Variants in SGK1 observed in about 807,000 individuals in gnomAD.
SGK1 encodes the protein serum/glucocorticoid regulated kinase 1.
A neutral mutation model predicts 64.2 loss-of-function variants in SGK1; 26 were observed. The observed-to-expected ratio is 0.40, with a 90% confidence interval of 0.30 to 0.56. The LOEUF (loss-of-function observed/expected upper bound fraction) is 0.56. Among genes scored for constraint, SGK1 ranks in the 20% least tolerant of loss-of-function variants. The probability of loss-of-function intolerance (pLI) is 0.38; values close to 1 mark genes in which losing one functional copy is unlikely to be tolerated. For missense variants in SGK1, 519 were observed against 645.6 expected (o/e 0.80, Z 2.12); for synonymous variants, 265 against 239.7 (o/e 1.11, Z -0.98).
At chr6:134,210,061 T>C (rs960975126) in intron 2 of SGK1, among the ~76,000 whole-genome samples, 3 of 152,324 alleles carry the variant, frequency 2.0e-5, no homozygotes, top group East Asian at 3.9e-4. Flanking sequence ...TATCAAAGAA[T>C]ATGTGGAAAT....
intron 2 of SGK1, among the ~76,000 whole-genome samples, chr6:134,225,941 A>AACAAAAAAAC: frequency 6.6e-6 from 1 of 151,614 alleles, no homozygotes; most frequent in East Asian, 1.9e-4. Context: ...AACAAAAAAA[A>AACAAAAAAAC]ACAAAAAAAC....
At chr6:134,180,835 GC>G (rs1775319282) in intron 3 of SGK1, among the ~76,000 whole-genome samples, 1 of 148,768 alleles carries the variant, frequency 6.7e-6, no homozygotes, top group Admixed American at 6.7e-5. Flanking sequence ...TCTTGCCACT[GC>G]ACTCTCGCCG....
intron 3 of SGK1, among the ~76,000 whole-genome samples, chr6:134,203,531 G>C (rs1775720374): frequency 6.6e-6 from 1 of 152,144 alleles, no homozygotes; most frequent in Admixed American, 6.6e-5. Context: ...CATTAGATAG[G>C]ATTTTAAGAG....
intron 1 of SGK1, among the ~76,000 whole-genome samples, chr6:134,289,147 C>T (rs1303858155): frequency 6.6e-6 from 1 of 152,190 alleles, no homozygotes; most frequent in Non-Finnish European, 1.5e-5. Flanking sequence ...CATGACCACA[C>T]CACATGTTCC....
chr6:134,177,571 C>G (rs1775265141), intron 3 of SGK1: 1 of 904,596 alleles, frequency 1.1e-6, no homozygotes. Context: ...ACCAGAGACC[C>G]TCTCCTACAC....
chr6:134,209,804 G>C (rs1775857715), intron 2 of SGK1, among the ~76,000 whole-genome samples: 1 of 152,146 alleles, frequency 6.6e-6, no homozygotes, highest in South Asian at 2.1e-4. Flanking sequence ...AGCCTCAATA[G>C]TAGCTGGGAT....
chr6:134,292,022 C>T (rs1777273096), intron 1 of SGK1, among the ~76,000 whole-genome samples: 1 of 150,306 alleles, frequency 6.7e-6, no homozygotes, highest in African/African-American at 2.5e-5. Flanking sequence ...GAGATCACAC[C>T]GTTGCACTCC....
chr6:134,218,793 G>A (rs772104800), intron 2 of SGK1: 3 of 152,114 alleles, frequency 2.0e-5, no homozygotes, highest in Non-Finnish European at 4.4e-5. Flanking sequence ...AATAAGTACG[G>A]ACACATGAGT....
In SGK1 at chr6:134,282,799, G is replaced by A. The variant is rs558998283; in HGVS notation, c.70-20651C>T. Among the ~76,000 whole-genome samples the A allele has an allele frequency of 2.1e-3, 320 of 151,842 alleles. 4 individuals are homozygous for A. Among genetic ancestry groups the A allele is most frequent in the Middle Eastern group, 3.4e-3 (1 of 294 alleles). On this transcript the variant is annotated intron_variant, in intron 1 of 13. Transcript: ENST00000367858. ...GACTGCAGCCTAAGACTTCTGGCCT[G>A]CCCCACAGATTTCAGACTTGCCATC...
intron 1 of SGK1, among the ~76,000 whole-genome samples, chr6:134,314,745 C>T (rs1026008017): frequency 2.0e-5 from 3 of 151,654 alleles, no homozygotes; most frequent in Admixed American, 6.6e-5. Flanking sequence ...TTTAAGCCTC[C>T]TGCAATCAAA....
chr6:134,171,358 TTGTG>T (rs113274174), intron 11 of SGK1, 180 bp from the exon 12 acceptor site: 9 of 623,264 alleles, frequency 1.4e-5, no homozygotes, highest in South Asian at 8.0e-5. Context: ...GTGTGTGTGT[TTGTG>T]TGTGTGTGTG....
intron 7 of SGK1, 35 bp downstream of exon 7, chr6:134,173,239 C>A (rs1216811100): frequency 1.2e-6 from 2 of 1,608,244 alleles, no homozygotes; most frequent in East Asian, 4.5e-5. Flanking sequence ...GGAGTGTCTA[C>A]CGCCAATGCC....
intron 3 of SGK1, among the ~76,000 whole-genome samples, chr6:134,177,206 C>A (rs554891241): frequency 6.6e-6 from 1 of 151,164 alleles, no homozygotes; most frequent in Non-Finnish European, 1.5e-5. Flanking sequence ...GAGCGAGACT[C>A]CGTCTCAAAA....
In SGK1 at chr6:134,232,731, A is replaced by G. The variant is rs548133413; in HGVS notation, c.286-25300T>C. 2.6e-5 allele frequency among the ~76,000 whole-genome samples: 4 copies of G among 151,950 alleles called. No individual in the cohort carries two copies. The East Asian group carries it at 7.8e-4, about 30-fold the overall frequency. On this transcript the variant is annotated intron_variant, in intron 2 of 13. Transcript: ENST00000367858. The stretch of plus-strand genomic sequence containing the variant: ...CTGGGTGTGGTTGTGGGGGCCGGTA[A>G]TCCCAGCTACCTGGGAGAATGAGGC...
chr6:134,175,709 A>G, intron 3 of SGK1: 6 of 1,405,486 alleles, frequency 4.3e-6, no homozygotes, highest in Non-Finnish European at 5.6e-6. Context: ...ACCGGCGAGC[A>G]CTGACGTTTC....
chr6:134,244,094 A>T (rs1259223226), intron 2 of SGK1, among the ~76,000 whole-genome samples: 1 of 152,094 alleles, frequency 6.6e-6, no homozygotes, highest in Non-Finnish European at 1.5e-5. Flanking sequence ...CATCATCTAC[A>T]TTAGGTATTT....
chr6:134,185,435 A>G (rs1562243911), intron 3 of SGK1, among the ~76,000 whole-genome samples: 1 of 152,214 alleles, frequency 6.6e-6, no homozygotes, highest in Non-Finnish European at 1.5e-5. Context: ...AAGTAGTTTT[A>G]AAGCCATAGC....
At chr6:134,256,514 TTCCTTCCAGCTTGGTTGATCTAG>T (rs1776686309) in intron 2 of SGK1, among the ~76,000 whole-genome samples, 1 of 152,194 alleles carries the variant, frequency 6.6e-6, no homozygotes. Context: ...AAACTTTCCT[TTCCTTCCAGCTTGGTTGATCTAG>T]ATACTAAAGG....
At chr6:134,288,193 G>C (rs866825459) in intron 1 of SGK1, among the ~76,000 whole-genome samples, 1 of 152,190 alleles carries the variant, frequency 6.6e-6, no homozygotes, top group Non-Finnish European at 1.5e-5. Context: ...ATGGTAAAAA[G>C]AGATATTGCC....
Sources: gnomAD v4.1 joint callset for allele counts (sites outside exome capture counted in the v4.1 genomes callset) on GRCh38, gnomAD v4.1.1 for gene constraint, MANE v1.5 for transcripts, NCBI Gene and HGNC (gene_info 2026-07-23, HGNC 2026-07-21) for gene names.